The following TSPEAR variants were observed in gnomAD, a reference collection of about 807,000 sequenced individuals.
The protein encoded by TSPEAR is thrombospondin-type laminin G domain and EAR repeat-containing protein.
Under a neutral mutation model 71.6 loss-of-function variants are expected in TSPEAR, and 69 were observed. That is an observed-to-expected ratio of 0.96 (90% confidence interval 0.79 to 1.18). The LOEUF (loss-of-function observed/expected upper bound fraction) is 1.18, where lower values mean the gene tolerates loss of function less well. Ranked by LOEUF, TSPEAR falls within the 50% of genes most tolerant of loss-of-function variation. The pLI is 0.00. For missense variants in TSPEAR, 971 were observed against 894.9 expected (o/e 1.09, Z -1.09); for synonymous variants, 402 against 387.2 (o/e 1.04, Z -0.45).
chr21:44,509,105 G>A (rs587709200), intron 10 of TSPEAR, 94 bp downstream of exon 10: 27 of 1,435,376 alleles, frequency 1.9e-5, no homozygotes, highest in Non-Finnish European at 2.5e-5. Context: ...GTCTTTCCAC[G>A]GGAAGGGTGG....
chr21:44,534,608 G>C (rs1040630957), intron 2 of TSPEAR, among the ~76,000 whole-genome samples: 7 of 152,084 alleles, frequency 4.6e-5, no homozygotes, highest in East Asian at 3.9e-4. Context: ...CCACACACTA[G>C]GATGGCTAAT....
At chr21:44,590,586 C>T (rs233297) in intron 1 of TSPEAR, among the ~76,000 whole-genome samples, 31,353 of 151,906 alleles carry the variant, frequency 0.21, 3,266 homozygotes, top group East Asian at 0.29. Flanking sequence ...TGGGGGAGGG[C>T]GTGGTCCCCA....
chr21:44,617,770 T>C (rs981717546), intron 1 of TSPEAR, among the ~76,000 whole-genome samples: 4 of 152,274 alleles, frequency 2.6e-5, no homozygotes, highest in African/African-American at 9.6e-5. Flanking sequence ...CTGCACTTGA[T>C]GTCTGCAACA....
chr21:44,505,013 C>T, intron 10 of TSPEAR, 132 bp from the exon 11 acceptor site: 1 of 671,848 alleles, frequency 1.5e-6, no homozygotes, highest in South Asian at 1.6e-5. Flanking sequence ...TTCTCACAGT[C>T]ACATATGTGT....
chr21:44,580,077 A>AGGGG (rs1978816824), intron 1 of TSPEAR: 1 of 1,613,650 alleles, frequency 6.2e-7, no homozygotes, highest in Admixed American at 1.7e-5. Flanking sequence ...GACTGCTGGC[A>AGGGG]GGGGGAGGAG....
At chr21:44,602,752 T>C (rs1450855483) in intron 1 of TSPEAR, among the ~76,000 whole-genome samples, 3 of 152,152 alleles carry the variant, frequency 2.0e-5, no homozygotes, top group Admixed American at 1.3e-4. Context: ...CCCAGCTGCT[T>C]GCAGAGGAGT....
chr21:44,539,001 T>G, intron 2 of TSPEAR: 1 of 550,820 alleles, frequency 1.8e-6, no homozygotes, highest in Non-Finnish European at 3.2e-6. Context: ...AAGGAGAGTT[T>G]ATTGGGGAGC....
At chr21:44,681,814 C>A (rs560144407) in intron 1 of TSPEAR, 2 of 1,593,510 alleles carry the variant, frequency 1.3e-6, no homozygotes, top group Non-Finnish European at 1.7e-6. Context: ...CTGGGAGCAG[C>A]GGGTCTGGAG....
intron 2 of TSPEAR, chr21:44,558,584 G>T: frequency 6.2e-7 from 1 of 1,611,854 alleles, no homozygotes; most frequent in African/African-American, 1.3e-5. Flanking sequence ...TGCAGACCAG[G>T]GTCAGGCAGG....
rs150517333 is a variant in TSPEAR, at chr21:44,698,323, C to T, written c.82+13110G>A. Among the ~76,000 whole-genome samples the T allele has an allele frequency of 7.9e-4, 120 of 152,308 alleles. 1 individual carries two copies. Among genetic ancestry groups the T allele is most frequent in the African/African-American group, 2.8e-3 (116 of 41,558 alleles). ...AGTCATTTCTGGTTGAATTGCTGAC[C>T]AGCCCGACAGGAGGCCAGGACACAG... On this transcript the variant is annotated intron_variant, in intron 1 of 11. Transcript: ENST00000323084.
chr21:44,698,469 C>T (rs1331405192), intron 1 of TSPEAR, among the ~76,000 whole-genome samples: 7 of 152,198 alleles, frequency 4.6e-5, no homozygotes, highest in Non-Finnish European at 8.8e-5. Flanking sequence ...GTCAACGGAG[C>T]GGCCGTCCCC....
chr21:44,537,886 G>T (rs1601383297), intron 2 of TSPEAR, among the ~76,000 whole-genome samples: 1 of 152,204 alleles, frequency 6.6e-6, no homozygotes, highest in South Asian at 2.1e-4. Flanking sequence ...ATGCATTTAG[G>T]CCATAGTGGG....
At chr21:44,525,881 C>T (rs374192283) in intron 7 of TSPEAR, 42 bp from the exon 8 acceptor site, 27 of 1,596,618 alleles carry the variant, frequency 1.7e-5, no homozygotes, top group Non-Finnish European at 2.1e-5. Context: ...CTGCTTGGGT[C>T]GGTGCCAGCG....
rs1190352505 is a variant in TSPEAR at position 44,593,656 on chromosome 21, A to T, written c.83-25651T>A. The stretch of plus-strand genomic sequence containing the variant: ...ACCCAGCACTAAAGTTAAAATAGAG[A>T]CCGTAAGACCCACAGAGCAGACTCT... On this transcript the variant is annotated intron_variant, in intron 1 of 11. Coordinates refer to ENST00000323084, the MANE Select transcript of TSPEAR (RefSeq NM_144991.3). This position sits in a 1 kb window ranked among gnomAD's most constrained non-coding sequence, Gnocchi z 5.9. 6.6e-6 allele frequency among the ~76,000 whole-genome samples: 1 copy of T among 152,016 alleles called. No individual in the cohort carries two copies. The highest frequency in any genetic ancestry group is 1.5e-5 in the Non-Finnish European group (1 of 67,986).
Position 44,623,330 on chromosome 21 carries a change from T to C in TSPEAR, c.83-55325A>G, listed in dbSNP as rs1794566809. The stretch of plus-strand genomic sequence containing the variant: ...GAATCTATGACTTTTTAAAGTCTAA[T>C]GTAAATTAGATCTTATATTATTTCC... On this transcript the variant is annotated intron_variant, in intron 1 of 11. Transcript: ENST00000323084. The surrounding 1 kb of genome is among the most constrained non-coding windows in gnomAD (Gnocchi z 4.5). 6.6e-6 allele frequency among the ~76,000 whole-genome samples: 1 copy of C among 152,224 alleles called. No individual in the cohort carries two copies. Among genetic ancestry groups the C allele is most frequent in the South Asian group, 2.1e-4 (1 of 4,834 alleles).
At chr21:44,606,659 C>T (rs1981335090) in intron 1 of TSPEAR, among the ~76,000 whole-genome samples, 1 of 152,128 alleles carries the variant, frequency 6.6e-6, no homozygotes, top group Non-Finnish European at 1.5e-5. Context: ...GAAAGTGTGG[C>T]ATATATACAC....
intron 1 of TSPEAR, among the ~76,000 whole-genome samples, chr21:44,588,576 C>T (rs190144293): frequency 0.043 from 6,474 of 151,416 alleles, 171 homozygotes; most frequent in East Asian, 0.06. Context: ...TACTTGCTCA[C>T]GCATGTTTAT....
intron 1 of TSPEAR, chr21:44,592,653 G>T: frequency 9.1e-7 from 1 of 1,094,160 alleles, no homozygotes; most frequent in Non-Finnish European, 1.3e-6. Flanking sequence ...CGTGATGTGG[G>T]CCAGCTCATA....
chr21:44,602,493 G>A (rs1353810960), intron 1 of TSPEAR, among the ~76,000 whole-genome samples: 1 of 97,380 alleles, frequency 1.0e-5, no homozygotes, highest in Non-Finnish European at 2.4e-5. Context: ...CGGTGGGCGG[G>A]GACGGCCATC....
Sources: gnomAD v4.1 joint callset for allele counts (sites outside exome capture counted in the v4.1 genomes callset) on GRCh38, gnomAD v4.1.1 for gene constraint, Gnocchi (gnomAD v3.1) non-coding constraint, MANE v1.5 for transcripts, NCBI Gene and HGNC (gene_info 2026-07-23, HGNC 2026-07-21) for gene names.